Variants in EPHA8 observed in about 807,000 individuals in gnomAD.
The protein encoded by EPHA8 is ephrin type-A receptor 8.
In EPHA8, 58 loss-of-function variants were observed where a neutral mutation model predicts 103.6. The ratio of observed to expected loss-of-function variants is 0.56; its 90% CI spans 0.45 to 0.70. EPHA8 has a LOEUF of 0.70. Among genes scored for constraint, EPHA8 ranks in the 30% least tolerant of loss-of-function variants. The pLI, the probability that EPHA8 is intolerant of heterozygous loss-of-function variation, is 0.00. For missense variants in EPHA8, 1,304 were observed against 1,395.2 expected (o/e 0.93, Z 1.04); for synonymous variants, 559 against 572.5 (o/e 0.98, Z 0.34).
chr1:22,579,746 G>A (rs572609925), intron 3 of EPHA8, among the ~76,000 whole-genome samples: 1 of 152,184 alleles, frequency 6.6e-6, no homozygotes, highest in Non-Finnish European at 1.5e-5. Context: ...AAAGGGAGGA[G>A]GATGTTTATA....
chr1:22,599,539 G>A (rs572750048), intron 13 of EPHA8, among the ~76,000 whole-genome samples: 3 of 151,102 alleles, frequency 2.0e-5, no homozygotes, highest in South Asian at 2.1e-4. Context: ...GTAAGGTTTC[G>A]CATGGAGAAA....
At position 22,592,814 on chromosome 1, in the gene EPHA8, G is replaced by A. The variant is rs572655142; in HGVS notation, c.1316-512G>A. On this transcript the variant is annotated intron_variant, in intron 5 of 16. Transcript: ENST00000166244. Reference sequence around the variant, plus strand: ...CCTGAGCCAGGAGGGAGAGATGCATGAAGAAAGGCATGGGTGACGCCGTCA... The same window carrying A: ...CCTGAGCCAGGAGGGAGAGATGCATAAAGAAAGGCATGGGTGACGCCGTCA... Among the ~76,000 whole-genome samples, 155 of 121,052 alleles carry A rather than the reference G, an allele frequency of 1.3e-3. 2 individuals carry two copies. In the South Asian group the frequency reaches 0.022, roughly 17 times the overall value. 79.4% of individuals were successfully genotyped at this position (121,052 alleles called of 152,430 possible). A position where few individuals can be genotyped will look rare whatever the true frequency, so the allele number is the denominator to read the frequency against.
rs750373572 is a variant in EPHA8 at position 22,599,007 on chromosome 1, G to C, written c.2348G>C (p.Arg783Pro). The change falls in exon 13 of 17, where the codon CGG becomes CCG. Residue 783 changes from arginine to proline, a missense_variant. Transcript: ENST00000166244. ...AAGGTGTCTGACTTCGGGCTCTCAC[G>C]GGTGCTGGAGGACGACCCGGATGCT... Reference protein sequence around the residue: ...VCKVSDFGLSRVLEDDPDAAY... With the variant: ...VCKVSDFGLSPVLEDDPDAAY... 2 of 1,610,870 alleles carry C rather than the reference G, an allele frequency of 1.2e-6. No individual in the cohort carries two copies. The highest frequency in any genetic ancestry group is 1.3e-5 in the African/African-American group (1 of 74,812).
At position 22,569,473 on chromosome 1, in the gene EPHA8, AC is replaced by A; in HGVS notation, c.159+123del. Reference sequence around the variant, plus strand: ...GAGGCCCAGAGAGGTCAAGGGACTTACCCAAGGGCACACAGCAGTTAGTGCT... The same window carrying A: ...GAGGCCCAGAGAGGTCAAGGGACTTACCAAGGGCACACAGCAGTTAGTGCT... On this transcript the variant is annotated intron_variant, in intron 2 of 16. Transcript: ENST00000166244. This position sits in a 1 kb window ranked among gnomAD's most constrained non-coding sequence, Gnocchi z 4.5. 1 of 1,024,642 alleles carries A rather than the reference AC, an allele frequency of 9.8e-7. No individual in the cohort carries two copies. Among genetic ancestry groups the A allele is most frequent in the South Asian group, 1.6e-5 (1 of 62,344 alleles). 63.5% of individuals were successfully genotyped at this position (1,024,642 alleles called of 1,614,324 possible). A position where few individuals can be genotyped will look rare whatever the true frequency, so the allele number is the denominator to read the frequency against.
rs772761765 is a variant in EPHA8 at position 22,589,404 on chromosome 1, A to G, written c.1315+198A>G. 18 of 1,511,490 alleles carry G rather than the reference A, an allele frequency of 1.2e-5. No individual in the cohort carries two copies. The highest frequency in any genetic ancestry group is 1.1e-4 in the South Asian group (8 of 75,986). 93.6% of individuals were successfully genotyped at this position (1,511,490 alleles called of 1,614,324 possible). ...GAAAAGTGGAACACATTCTATAAGT[A>G]AGAGAAATCCCAAAAGCTCAGAGGC... On this transcript the variant is annotated intron_variant, in intron 5 of 16. Transcript: ENST00000166244. This position sits in a 1 kb window ranked among gnomAD's most constrained non-coding sequence, Gnocchi z 4.3.
At chr1:22,574,851 T>C (rs1054657781) in intron 2 of EPHA8, among the ~76,000 whole-genome samples, 1 of 152,244 alleles carries the variant, frequency 6.6e-6, no homozygotes, top group African/African-American at 2.4e-5. Context: ...TTAAACACTT[T>C]GAGAAGCTGC....
At position 22,603,379 on chromosome 1, in the gene EPHA8, GA is replaced by G. The variant is rs1339074536; in HGVS notation, c.*1639del. 3 of 152,270 alleles carry G rather than the reference GA, an allele frequency of 2.0e-5. No homozygotes were observed. The highest frequency in any genetic ancestry group is 7.3e-5 in the African/African-American group (3 of 41,342). The allele number at this position is 152,270 out of a possible 1,614,324, so 9.4% of individuals were successfully genotyped here. A position where few individuals can be genotyped will look rare whatever the true frequency, so the allele number is the denominator to read the frequency against. On this transcript the variant is annotated 3_prime_UTR_variant, in exon 17 of 17. Transcript: ENST00000166244. Reference sequence around the variant, plus strand: ...TGGTCAGAACACGATCTGGGGGGGGGATCCTGTCTTCCTCCCCACCCCACCC... The same window carrying G: ...TGGTCAGAACACGATCTGGGGGGGGGTCCTGTCTTCCTCCCCACCCCACCC...
chr1:22,566,357 T>C (rs1640358352), intron 1 of EPHA8, among the ~76,000 whole-genome samples: 1 of 152,120 alleles, frequency 6.6e-6, no homozygotes, highest in Admixed American at 6.5e-5. Context: ...TAAGTATTAG[T>C]CTCAGCGAAA....
rs146978261 is a variant in EPHA8, at chr1:22,589,213, G to A, written c.1315+7G>A. 2.4e-4 allele frequency: 384 copies of A among 1,613,834 alleles called. 1 individual carries two copies. Among genetic ancestry groups the A allele is most frequent in the Non-Finnish European group, 3.1e-4 (362 of 1,179,992 alleles). On this transcript the variant is annotated splice_region_variant and intron_variant, in intron 5 of 16. Coordinates refer to ENST00000166244, the MANE Select transcript of EPHA8 (RefSeq NM_020526.5). The surrounding 1 kb of genome is among the most constrained non-coding windows in gnomAD (Gnocchi z 4.3). ...ATCACCACGAACCAGGCAGGTAGGC[G>A]GAGAAACTCCGTCCCGCAGCGTCCT...
Position 22,586,614 on chromosome 1 carries a change from C to T in EPHA8, c.958C>T (p.Pro320Ser). Residue 320 changes from proline to serine, a missense_variant, in exon 4 of 17, where the codon CCG becomes TCG. Physicochemically the swap from Pro to Ser is moderately conservative, Grantham distance 74. Transcript: ENST00000166244. ...DLSYYRAALD[P>S]PSSACTRPPS... ...CAGCTACTACCGTGCAGCCCTGGAC[C>T]CGCCGTCCTCAGCCTGCACCCGTGA... is the stretch of plus-strand genomic sequence containing the variant. The T allele has an allele frequency of 6.2e-7, 1 of 1,613,942 alleles. No homozygotes were observed. The highest frequency in any genetic ancestry group is 8.5e-7 in the Non-Finnish European group (1 of 1,179,936).
chr1:22,597,501 G>A lies in EPHA8; in HGVS notation c.1930+25G>A, dbSNP rs781119439. The A allele has an allele frequency of 5.6e-6, 9 of 1,606,584 alleles. No individual in the cohort carries two copies. Among genetic ancestry groups the A allele is most frequent in the African/African-American group, 2.7e-5 (2 of 74,820 alleles). On this transcript the variant is annotated intron_variant, in intron 10 of 16. Coordinates refer to ENST00000166244, the MANE Select transcript of EPHA8 (RefSeq NM_020526.5). The surrounding 1 kb of genome is among the most constrained non-coding windows in gnomAD (Gnocchi z 4.6). Reference sequence around the variant, plus strand: ...GGTGAGTCTCAGGGGTTGTGAGGGCGGGGCCAGCATGGGGCAAGGTGGGGG... The same window carrying A: ...GGTGAGTCTCAGGGGTTGTGAGGGCAGGGCCAGCATGGGGCAAGGTGGGGG...
chr1:22,596,269 C>T lies in EPHA8; in HGVS notation c.1765+96C>T, dbSNP rs1235710544. The T allele has an allele frequency of 4.7e-6, 6 of 1,275,736 alleles. No individual in the cohort carries two copies. The African/African-American group carries it at 6.0e-5, about 13-fold the overall frequency. 79.0% of individuals were successfully genotyped at this position (1,275,736 alleles called of 1,614,324 possible). A position where few individuals can be genotyped will look rare whatever the true frequency, so the allele number is the denominator to read the frequency against. On this transcript the variant is annotated intron_variant, in intron 9 of 16. Coordinates refer to ENST00000166244, the MANE Select transcript of EPHA8 (RefSeq NM_020526.5). ...GGCACAGATGGGAAGGAGGAAGGTG[C>T]CCAGTGAAAAAACCAGAGCCCAAGA...
chr1:22,600,858 G>T (rs763157729), intron 14 of EPHA8, 40 bp from the exon 15 acceptor site: 4 of 1,589,702 alleles, frequency 2.5e-6, no homozygotes, highest in South Asian at 1.2e-5. Context: ...GCCTCAGGGT[G>T]CAGGGAGGGA....
At chr1:22,596,207 G>A (rs780909869) in intron 9 of EPHA8, 34 bp downstream of exon 9, 2 of 1,606,066 alleles carry the variant, frequency 1.2e-6, no homozygotes, top group South Asian at 2.2e-5. Flanking sequence ...TGGGGCAGAG[G>A]GAAGGCCACA....
chr1:22,593,407 C>G lies in EPHA8; in HGVS notation c.1397C>G (p.Pro466Arg), dbSNP rs778380990. The G allele has an allele frequency of 6.3e-7, 1 of 1,595,238 alleles. No homozygotes were observed. The highest frequency in any genetic ancestry group is 8.5e-7 in the Non-Finnish European group (1 of 1,172,382). The part of the protein sequence containing the change: ...VSLLWQEPEQ[P>R]NGIILEYEIK... ...CTGCTGTGGCAGGAGCCCGAGCAGC[C>G]GAACGGCATCATCCTGGAGTATGAG... The change falls in exon 6 of 17, where the codon CCG becomes CGG. Residue 466 changes from proline to arginine, a missense_variant. By Grantham distance (103) the Pro-to-Arg change is moderately radical (BLOSUM62 -2). Coordinates refer to ENST00000166244, the MANE Select transcript of EPHA8 (RefSeq NM_020526.5).
intron 8 of EPHA8, among the ~76,000 whole-genome samples, chr1:22,595,626 C>T (rs1394174681): frequency 6.6e-6 from 1 of 152,186 alleles, no homozygotes; most frequent in Non-Finnish European, 1.5e-5. Flanking sequence ...GTTACTTTGT[C>T]CTCTCCCACT....
rs761081783 is a variant in EPHA8, at chr1:22,588,958, G to A, written c.1067G>A (p.Gly356Asp). Residue 356 changes from glycine (G) to aspartate (D), a missense_variant, in exon 5 of 17, where the codon GGC becomes GAC. Coordinates refer to ENST00000166244, the MANE Select transcript of EPHA8 (RefSeq NM_020526.5). ...LEWAPPLDPGGRSDITYNAVC... is the reference protein window; with the variant it reads ...LEWAPPLDPGDRSDITYNAVC... ...TGGGCCCCTCCCCTGGACCCAGGTG[G>A]CCGCAGTGACATCACCTACAATGCC... The A allele has an allele frequency of 6.8e-6, 11 of 1,613,042 alleles. No individual in the cohort carries two copies. The highest frequency in any genetic ancestry group is 8.5e-6 in the Non-Finnish European group (10 of 1,179,956).
intron 2 of EPHA8, among the ~76,000 whole-genome samples, chr1:22,575,693 G>C (rs1407897004): frequency 6.6e-6 from 1 of 152,182 alleles, no homozygotes; most frequent in Non-Finnish European, 1.5e-5. Flanking sequence ...AGCAAGAAGA[G>C]CAGGGTGGAG....
Position 22,601,608 on chromosome 1 carries a change from C to T in EPHA8, c.2904-19C>T. On this transcript the variant is annotated intron_variant, in intron 16 of 16. Coordinates refer to ENST00000166244, the MANE Select transcript of EPHA8 (RefSeq NM_020526.5). The stretch of plus-strand genomic sequence containing the variant: ...CAGCCTCCCAGGCCCAGCTGGCCAG[C>T]AGCACCCTTCCTTCACAGGGACGTG... 1 of 1,583,862 alleles carries T rather than the reference C, an allele frequency of 6.3e-7. No individual in the cohort carries two copies. The highest frequency in any genetic ancestry group is 8.6e-7 in the Non-Finnish European group (1 of 1,165,252).
Sources: allele counts gnomAD v4.1 joint callset (sites outside exome capture counted in the v4.1 genomes callset), GRCh38; gene constraint gnomAD v4.1.1; non-coding constraint Gnocchi (gnomAD v3.1); transcripts MANE v1.5; gene names NCBI Gene and HGNC (gene_info 2026-07-23, HGNC 2026-07-21).